Variants in MIR2052HG observed in about 807,000 individuals in gnomAD.
The protein encoded by MIR2052HG is MIR2052 host gene.
chr8:74,754,120 T>C (rs185664974), intron 5 of MIR2052HG, among the ~76,000 whole-genome samples: 4 of 152,278 alleles, frequency 2.6e-5, no homozygotes, highest in Admixed American at 2.6e-4. Context: ...GTCTGTAAAA[T>C]GAAGAACATA....
In MIR2052HG at chr8:74,602,204, C is replaced by T. The variant is rs1487071415; in HGVS notation, n.128+2296C>T. 2.0e-5 allele frequency among the ~76,000 whole-genome samples: 3 copies of T among 152,152 alleles called. No individual in the cohort carries two copies. In the East Asian group the frequency reaches 5.8e-4, roughly 29 times the overall value. On this transcript the variant is annotated intron_variant and non_coding_transcript_variant, in intron 1 of 6. Coordinates refer to ENST00000523442, the Ensembl canonical transcript of MIR2052HG. The stretch of plus-strand genomic sequence containing the variant: ...AAAACCTGCCAAAACCTTCCAAAAC[C>T]AAGATGGTGATGAAAGTGACCTTTG...
In MIR2052HG at chr8:74,696,170, C is replaced by A. The variant is rs149330487; in HGVS notation, n.217-6209C>A. ...AATTTGAAATCAACTCCAAAAGGAACCCTCAAAACCATGCAAATACATGAA... is the reference window on the plus strand; with the variant it reads ...AATTTGAAATCAACTCCAAAAGGAAACCTCAAAACCATGCAAATACATGAA... On this transcript the variant is annotated intron_variant and non_coding_transcript_variant, in intron 2 of 6. Transcript: ENST00000523442. 8.9e-3 allele frequency among the ~76,000 whole-genome samples: 1,348 copies of A among 150,674 alleles called. 15 individuals are homozygous for A. Among genetic ancestry groups the A allele is most frequent in the African/African-American group, 0.032 (1,275 of 40,162 alleles).
At chr8:74,744,085 G>A (rs1809858181) in intron 4 of MIR2052HG, among the ~76,000 whole-genome samples, 1 of 152,142 alleles carries the variant, frequency 6.6e-6, no homozygotes, top group Admixed American at 6.6e-5. Context: ...TTTGCATTGA[G>A]TGCTTGCAAA....
chr8:74,696,633 A>G (rs1025506860), intron 2 of MIR2052HG, among the ~76,000 whole-genome samples: 10 of 152,064 alleles, frequency 6.6e-5, no homozygotes, highest in Admixed American at 2.6e-4. Context: ...AAGAAATGGA[A>G]GATATTACAA....
chr8:74,649,048 A>G (rs1002685043), intron 2 of MIR2052HG, among the ~76,000 whole-genome samples: 1 of 152,148 alleles, frequency 6.6e-6, no homozygotes, highest in Admixed American at 6.5e-5. Flanking sequence ...AATAGGAGAC[A>G]GAAGTCAGAG....
intron 1 of MIR2052HG, among the ~76,000 whole-genome samples, chr8:74,603,035 ACACC>A (rs1315733181): frequency 1.3e-4 from 13 of 101,534 alleles, no homozygotes; most frequent in Non-Finnish European, 1.2e-4. Flanking sequence ...ACAAAACAAA[ACACC>A]AAAAAAAAAA....
chr8:74,694,453 C>T (rs890495967), intron 2 of MIR2052HG, among the ~76,000 whole-genome samples: 1 of 152,116 alleles, frequency 6.6e-6, no homozygotes, highest in Non-Finnish European at 1.5e-5. Flanking sequence ...AAACTAGGTT[C>T]TTTAACATCC....
chr8:74,689,781 G>T (rs1546269), intron 2 of MIR2052HG, among the ~76,000 whole-genome samples: 7,764 of 152,212 alleles, frequency 0.051, 646 homozygotes, highest in African/African-American at 0.17. Context: ...TTTGACAAAC[G>T]CTATGATTTA....
intron 2 of MIR2052HG, among the ~76,000 whole-genome samples, chr8:74,665,541 T>C (rs1808913362): frequency 6.6e-6 from 1 of 152,318 alleles, no homozygotes; most frequent in Non-Finnish European, 1.5e-5. Context: ...ATTGCTTCCC[T>C]CCTTGCTATT....
intron 2 of MIR2052HG, among the ~76,000 whole-genome samples, chr8:74,697,937 C>A (rs1471031240): frequency 6.6e-6 from 1 of 152,086 alleles, no homozygotes; most frequent in African/African-American, 2.4e-5. Flanking sequence ...CTGCCAAAAG[C>A]AATCTACAAA....
intron 2 of MIR2052HG, among the ~76,000 whole-genome samples, chr8:74,647,456 G>T (rs903217893): frequency 6.6e-6 from 1 of 152,032 alleles, no homozygotes; most frequent in African/African-American, 2.4e-5. Context: ...CTCCTTCTTG[G>T]CAATAAACAA....
chr8:74,607,299 T>C (rs908026193), intron 1 of MIR2052HG, among the ~76,000 whole-genome samples: 1 of 152,126 alleles, frequency 6.6e-6, no homozygotes, highest in African/African-American at 2.4e-5. Flanking sequence ...TTTAAGCACT[T>C]AATAATAGAG....
At chr8:74,683,959 C>T (rs1302049888) in intron 2 of MIR2052HG, among the ~76,000 whole-genome samples, 1 of 152,022 alleles carries the variant, frequency 6.6e-6, no homozygotes, top group African/African-American at 2.4e-5. Context: ...TAGCACCTCC[C>T]ATTCCTTTAT....
intron 2 of MIR2052HG, among the ~76,000 whole-genome samples, chr8:74,691,157 G>T (rs1212270445): frequency 6.6e-6 from 1 of 152,200 alleles, no homozygotes; most frequent in Non-Finnish European, 1.5e-5. Context: ...AGTTAATTCT[G>T]AACAAAGTGA....
chr8:74,677,198 G>A (rs1809062207), intron 2 of MIR2052HG, among the ~76,000 whole-genome samples: 1 of 151,898 alleles, frequency 6.6e-6, no homozygotes, highest in South Asian at 2.1e-4. Flanking sequence ...CAATATATAT[G>A]CACAAAATTA....
At chr8:74,752,623 A>G (rs1809959787) in intron 5 of MIR2052HG, 1 of 354,066 alleles carries the variant, frequency 2.8e-6, no homozygotes, top group Non-Finnish European at 5.5e-6. Flanking sequence ...TTCAAGAAGC[A>G]TTTGATTGTA....
intron 2 of MIR2052HG, among the ~76,000 whole-genome samples, chr8:74,680,578 G>A (rs972921522): frequency 6.6e-6 from 1 of 152,080 alleles, no homozygotes; most frequent in African/African-American, 2.4e-5. Flanking sequence ...TGCTGGAGAG[G>A]ATGTGGAGAA....
At chr8:74,714,850 G>A (rs766470951) in intron 4 of MIR2052HG, among the ~76,000 whole-genome samples, 9 of 151,832 alleles carry the variant, frequency 5.9e-5, no homozygotes, top group Admixed American at 6.6e-5. Context: ...GATTACAGGC[G>A]CTGCTGCCAT....
In MIR2052HG at chr8:74,674,806, ATACTATACGT is replaced by A. The variant is rs1809033363; in HGVS notation, n.217-27564_217-27555del. ...CTGTTAATTACTATACATTACTATG[ATACTATACGT>A]TACTATACTACTTACATACTATATG... On this transcript the variant is annotated intron_variant and non_coding_transcript_variant, in intron 2 of 6. Coordinates refer to ENST00000523442, the Ensembl canonical transcript of MIR2052HG. Among the ~76,000 whole-genome samples, 3 of 152,014 alleles carry A rather than the reference ATACTATACGT, an allele frequency of 2.0e-5. No homozygotes were observed. The East Asian group carries it at 5.8e-4, about 29-fold the overall frequency.
Sources: gnomAD v4.1 joint callset for allele counts (sites outside exome capture counted in the v4.1 genomes callset) on GRCh38, gnomAD v4.1.1 for gene constraint, MANE v1.5 for transcripts, NCBI Gene and HGNC (gene_info 2026-07-23, HGNC 2026-07-21) for gene names.